The following CCBE1 variants were observed in gnomAD, a reference collection of about 807,000 sequenced individuals.
CCBE1 encodes collagen and calcium-binding EGF domain-containing protein 1.
In CCBE1, 37 loss-of-function variants were observed where a neutral mutation model predicts 50.0. The ratio of observed to expected loss-of-function variants is 0.74; its 90% confidence interval spans 0.57 to 0.97. CCBE1 has a LOEUF of 0.97. CCBE1 is among the 50% of genes least tolerant of loss of function. CCBE1 has a pLI of 0.00. For missense variants in CCBE1, 538 were observed against 523.8 expected, an observed-to-expected ratio of 1.03 and a Z score of -0.26; for synonymous variants, 234 against 203.7, an observed-to-expected ratio of 1.15 and a Z score of -1.27.
chr18:59,590,940 T>A (rs1475028774), intron 2 of CCBE1, among the ~76,000 whole-genome samples: 2 of 152,090 alleles, frequency 1.3e-5, no homozygotes, highest in Non-Finnish European at 2.9e-5. Flanking sequence ...CTCTGTAACC[T>A]GGGCATAAAA....
intron 2 of CCBE1, among the ~76,000 whole-genome samples, chr18:59,660,979 C>T: frequency 6.6e-6 from 1 of 151,618 alleles, no homozygotes; most frequent in African/African-American, 2.4e-5. Flanking sequence ...CATGACTACT[C>T]AATGATCATG....
At chr18:59,672,686 G>A (rs992061745) in intron 2 of CCBE1, among the ~76,000 whole-genome samples, 2 of 152,198 alleles carry the variant, frequency 1.3e-5, no homozygotes, top group African/African-American at 4.8e-5. Context: ...TGCCCAAATG[G>A]CAAGCCCATA....
intron 2 of CCBE1, among the ~76,000 whole-genome samples, chr18:59,527,944 G>C (rs1298071835): frequency 6.6e-6 from 1 of 152,136 alleles, no homozygotes; most frequent in Non-Finnish European, 1.5e-5. Flanking sequence ...GAGAATCTGT[G>C]ATTGTGTGTC....
At chr18:59,542,563 C>G (rs749902868) in intron 2 of CCBE1, among the ~76,000 whole-genome samples, 2 of 152,124 alleles carry the variant, frequency 1.3e-5, no homozygotes, top group African/African-American at 2.4e-5. Context: ...AGAAAGTCAT[C>G]CTTAATGTTC....
At chr18:59,688,307 A>C (rs1470233186) in intron 2 of CCBE1, 1 of 152,144 alleles carries the variant, frequency 6.6e-6, no homozygotes, top group African/African-American at 2.4e-5. Flanking sequence ...TTAGTCAGGC[A>C]TGGTGGTGGG....
chr18:59,579,863 G>A lies in CCBE1; in HGVS notation c.213-99625C>T, dbSNP rs887937249. The stretch of plus-strand genomic sequence containing the variant: ...ACAGAACACACCTCGAACATACTGA[G>A]CCACCACCTTTACCCCTAGAACAAC... On this transcript the variant is annotated intron_variant, in intron 2 of 10. Coordinates refer to ENST00000439986, the MANE Select transcript of CCBE1 (RefSeq NM_133459.4). Among the ~76,000 whole-genome samples the A allele has an allele frequency of 2.0e-5, 3 of 152,226 alleles. No homozygotes were observed. In the East Asian group the frequency reaches 5.8e-4, roughly 29 times the overall value.
At chr18:59,567,111 TTTTTCTTTTC>T (rs375452749) in intron 2 of CCBE1, among the ~76,000 whole-genome samples, 1 of 152,078 alleles carries the variant, frequency 6.6e-6, no homozygotes, top group Non-Finnish European at 1.5e-5. Flanking sequence ...TTAAACGCAT[TTTTTCTTTTC>T]TTTTCTTTTT....
chr18:59,598,040 A>C (rs2053380399), intron 2 of CCBE1, among the ~76,000 whole-genome samples: 1 of 152,226 alleles, frequency 6.6e-6, no homozygotes, highest in Non-Finnish European at 1.5e-5. Flanking sequence ...AAGTGTAGGG[A>C]AAATGGAGGT....
chr18:59,565,765 T>C (rs2052814631), intron 2 of CCBE1, among the ~76,000 whole-genome samples: 1 of 152,148 alleles, frequency 6.6e-6, no homozygotes, highest in Non-Finnish European at 1.5e-5. Flanking sequence ...ATTTTTTTTT[T>C]TTCTTTTTTT....
At chr18:59,502,923 G>C (rs547168562) in intron 2 of CCBE1, among the ~76,000 whole-genome samples, 2 of 152,284 alleles carry the variant, frequency 1.3e-5, no homozygotes, top group African/African-American at 4.8e-5. Context: ...GATCACTAAC[G>C]CATAATAAAT....
intron 2 of CCBE1, among the ~76,000 whole-genome samples, chr18:59,527,669 A>G (rs964245766): frequency 2.0e-5 from 3 of 152,190 alleles, no homozygotes; most frequent in Admixed American, 6.5e-5. Flanking sequence ...CTCTTGCAAG[A>G]CAGGCCTTGT....
chr18:59,524,658 G>A (rs1486474906), intron 2 of CCBE1, among the ~76,000 whole-genome samples: 1 of 152,084 alleles, frequency 6.6e-6, no homozygotes, highest in African/African-American at 2.4e-5. Flanking sequence ...TGTTACATAG[G>A]TAAATGTGTG....
intron 2 of CCBE1, among the ~76,000 whole-genome samples, chr18:59,509,329 TA>T (rs1914028868): frequency 6.6e-6 from 1 of 151,696 alleles, no homozygotes; most frequent in Non-Finnish European, 1.5e-5. Flanking sequence ...TACACATAAA[TA>T]TATATATATA....
At position 59,452,824 on chromosome 18, in the gene CCBE1, C is replaced by T. The variant is rs148624809; in HGVS notation, c.654+2027G>A. Among the ~76,000 whole-genome samples, 23 of 152,292 alleles carry T rather than the reference C, an allele frequency of 1.5e-4. No individual in the cohort carries two copies. In the East Asian group the frequency reaches 4.4e-3, roughly 29 times the overall value. On this transcript the variant is annotated intron_variant, in intron 6 of 10. Coordinates refer to ENST00000439986, the MANE Select transcript of CCBE1 (RefSeq NM_133459.4). ...AATAGGAACCTTTAGAAATAAATTG[C>T]TCCTCATAACATTCCTTGAAAGTCT...
At chr18:59,562,865 C>T (rs947239001) in intron 2 of CCBE1, among the ~76,000 whole-genome samples, 4 of 149,290 alleles carry the variant, frequency 2.7e-5, no homozygotes, top group African/African-American at 7.5e-5. Context: ...ATCACTGAGC[C>T]TGTGGCCAGG....
intron 2 of CCBE1, among the ~76,000 whole-genome samples, chr18:59,564,343 T>C: frequency 1.3e-5 from 2 of 152,334 alleles, no homozygotes; most frequent in South Asian, 4.1e-4. Context: ...ATTATATAAA[T>C]GAGATCACAA....
At chr18:59,567,569 A>G (rs1200095328) in intron 2 of CCBE1, among the ~76,000 whole-genome samples, 2 of 152,178 alleles carry the variant, frequency 1.3e-5, no homozygotes, top group Non-Finnish European at 2.9e-5. Flanking sequence ...CCATCTCAAG[A>G]CCCATCCCAC....
intron 2 of CCBE1, among the ~76,000 whole-genome samples, chr18:59,671,268 AAGACTGGC>A (rs2054425671): frequency 6.6e-6 from 1 of 152,060 alleles, no homozygotes; most frequent in South Asian, 2.1e-4. Context: ...GGAGGCAGCC[AAGACTGGC>A]AGATCACTTG....
chr18:59,499,261 T>C (rs1320332393), intron 2 of CCBE1, among the ~76,000 whole-genome samples: 4 of 152,168 alleles, frequency 2.6e-5, no homozygotes, highest in African/African-American at 9.7e-5. Flanking sequence ...TCAGGCACTA[T>C]AATAAAGTGA....
Sources: allele counts gnomAD v4.1 joint callset (sites outside exome capture counted in the v4.1 genomes callset), GRCh38; gene constraint gnomAD v4.1.1; transcripts MANE v1.5; gene names NCBI Gene and HGNC (gene_info 2026-07-23, HGNC 2026-07-21).